Variants in ABCB5 observed in about 807,000 individuals in gnomAD.
ABCB5 encodes the protein ATP-binding cassette sub-family B member 5.
ABCB5 carries 155 observed loss-of-function variants against 144.2 expected under a neutral mutation model. That is an observed-to-expected ratio of 1.08 (90% CI 0.94 to 1.23). ABCB5 has a LOEUF of 1.23. Among genes scored for constraint, ABCB5 ranks in the 50% most tolerant of loss-of-function variants. ABCB5 has a pLI of 0.00. For synonymous variants in ABCB5, 610 were observed against 528.6 expected, an observed-to-expected ratio of 1.15 and a Z score of -2.11; for missense variants, 1,830 against 1,520.8, an observed-to-expected ratio of 1.20 and a Z score of -3.38.
chr7:20,691,319 T>C (rs1406960625), intron 16 of ABCB5, among the ~76,000 whole-genome samples: 2 of 150,684 alleles, frequency 1.3e-5, no homozygotes, highest in South Asian at 2.1e-4. Flanking sequence ...GAGCTAAGAG[T>C]TGAAGGAGGC....
chr7:20,754,474 G>A (rs964995855), intron 27 of ABCB5, among the ~76,000 whole-genome samples: 1 of 152,194 alleles, frequency 6.6e-6, no homozygotes, highest in African/African-American at 2.4e-5. Flanking sequence ...GTCATTTTAT[G>A]AGGTTATTGA....
chr7:20,708,221 G>A (rs940919668), intron 20 of ABCB5, among the ~76,000 whole-genome samples: 17 of 152,158 alleles, frequency 1.1e-4, no homozygotes, highest in African/African-American at 4.1e-4. Context: ...TAAGGTTGGC[G>A]TATAATTGCT....
At chr7:20,710,965 G>C (rs1188296026) in intron 20 of ABCB5, among the ~76,000 whole-genome samples, 2 of 149,652 alleles carry the variant, frequency 1.3e-5, no homozygotes, top group Admixed American at 1.3e-4. Context: ...TGTTATTCTA[G>C]TGGTTACTTT....
At chr7:20,665,724 A>AAGATAGATAGATAGATAGAT (rs35101575) in intron 14 of ABCB5, among the ~76,000 whole-genome samples, 55 of 134,588 alleles carry the variant, frequency 4.1e-4, no homozygotes, top group Admixed American at 1.1e-3. Context: ...TAGAGATGGA[A>AAGATAGATAGATAGATAGAT]AGATAGATAG....
At chr7:20,695,469 G>A (rs1786379567) in intron 16 of ABCB5, among the ~76,000 whole-genome samples, 1 of 151,338 alleles carries the variant, frequency 6.6e-6, no homozygotes, top group Non-Finnish European at 1.5e-5. Context: ...ACTTCTATAA[G>A]AAAATGCAAT....
At chr7:20,623,077 A>G (rs1025286681) in intron 1 of ABCB5, among the ~76,000 whole-genome samples, 188 bp from the exon 2 acceptor site, 4 of 152,170 alleles carry the variant, frequency 2.6e-5, no homozygotes, top group African/African-American at 9.7e-5. Context: ...TATAAATTCA[A>G]TGACAAAATT....
chr7:20,704,075 CTTTTTT>C lies in ABCB5; in HGVS notation c.2338-638_2338-633del, dbSNP rs71020669. ...CTAAATTGTGTTGTTTATTGCCTTC[CTTTTTT>C]TTTTTTTTTTGTGAGACAGGGTCTC... On this transcript the variant is annotated intron_variant, in intron 19 of 27. Coordinates refer to ENST00000404938, the MANE Select transcript of ABCB5 (RefSeq NM_001163941.2). Among the ~76,000 whole-genome samples, 3 of 80,772 alleles carry C rather than the reference CTTTTTT, an allele frequency of 3.7e-5. No homozygotes were observed. In the East Asian group the frequency reaches 1.4e-3, roughly 38 times the overall value. The allele number at this position is 80,772 out of a possible 152,430, so 53.0% of individuals were successfully genotyped here.
chr7:20,645,999 T>C lies in ABCB5; in HGVS notation c.842T>C (p.Ile281Thr), dbSNP rs755827534. Residue 281 changes from isoleucine (I) to threonine (T), a missense_variant, in exon 9 of 28, where the codon ATA becomes ACA. Physicochemically the swap from Ile to Thr is moderately conservative, Grantham distance 89. Coordinates refer to ENST00000404938, the MANE Select transcript of ABCB5 (RefSeq NM_001163941.2). Reference protein sequence around the residue: ...QNLKDAKDFGIKRTIASKVSL... With the variant: ...QNLKDAKDFGTKRTIASKVSL... ...CTCAAAGATGCAAAGGATTTTGGCATAAAAAGGACTATAGCTTCAAAAGTG... is the reference window on the plus strand; with the variant it reads ...CTCAAAGATGCAAAGGATTTTGGCACAAAAAGGACTATAGCTTCAAAAGTG... The C allele has an allele frequency of 6.2e-7, 1 of 1,613,670 alleles. No homozygotes were observed. The highest frequency in any genetic ancestry group is 8.5e-7 in the Non-Finnish European group (1 of 1,179,794).
chr7:20,711,778 CTCTTTCTTTCTTTCTTTCTT>C (rs1174731019), intron 20 of ABCB5, among the ~76,000 whole-genome samples: 2 of 47,110 alleles, frequency 4.2e-5, no homozygotes, highest in Non-Finnish European at 3.6e-5. Context: ...TTCCTTCTTT[CTCTTTCTTTCTTTCTTTCTT>C]TCTTTCTTTC....
intron 20 of ABCB5, 96 bp from the exon 21 acceptor site, chr7:20,722,920 T>A (rs6948504): frequency 0.71 from 729,912 of 1,033,442 alleles, 260,591 homozygotes; most frequent in East Asian, 0.9. Context: ...ATTCTTTTTT[T>A]AAAAAGTCTA....
chr7:20,749,003 C>G (rs557372445), intron 26 of ABCB5, among the ~76,000 whole-genome samples: 6 of 152,144 alleles, frequency 3.9e-5, no homozygotes, highest in Non-Finnish European at 7.4e-5. Flanking sequence ...CCATGTCCTG[C>G]TTCCTCAAAA....
At chr7:20,617,658 C>T (rs773938774) in intron 1 of ABCB5, among the ~76,000 whole-genome samples, 1 of 151,790 alleles carries the variant, frequency 6.6e-6, no homozygotes, top group Non-Finnish European at 1.5e-5. Flanking sequence ...AGAGTGAGAC[C>T]CAAAAATCGC....
intron 23 of ABCB5, among the ~76,000 whole-genome samples, chr7:20,736,754 G>C (rs1782390487): frequency 6.6e-6 from 1 of 152,148 alleles, no homozygotes; most frequent in African/African-American, 2.4e-5. Flanking sequence ...TTGTTGAGTG[G>C]AACTGAATTT....
chr7:20,732,558 G>C (rs1279898545), intron 23 of ABCB5, among the ~76,000 whole-genome samples: 1 of 152,078 alleles, frequency 6.6e-6, no homozygotes, highest in African/African-American at 2.4e-5. Flanking sequence ...GGGGAGATTT[G>C]GAATGGTACA....
chr7:20,704,771 A>T lies in ABCB5; in HGVS notation c.2385A>T (p.Thr795=). The T allele has an allele frequency of 6.2e-7, 1 of 1,613,876 alleles. No homozygotes were observed. The highest frequency in any genetic ancestry group is 8.5e-7 in the Non-Finnish European group (1 of 1,179,852). ...AGGAAAACAGCACAGGAGGCTTGAC[A>T]ACAATATTAGCCATAGATATAGCAC... The part of the protein sequence containing the change: ...DEKENSTGGL[T]TILAIDIAQI... The change falls in exon 20 of 28, where the codon ACA becomes ACT. Residue 795 remains threonine, a synonymous_variant. Transcript: ENST00000404938.
intron 12 of ABCB5, 103 bp downstream of exon 12, chr7:20,650,250 G>A: frequency 7.1e-7 from 1 of 1,414,172 alleles, no homozygotes; most frequent in Non-Finnish European, 9.5e-7. Context: ...GTAGAGCTGG[G>A]AGAGAAGCCA....
chr7:20,752,727 A>T (rs1045958189), intron 26 of ABCB5, among the ~76,000 whole-genome samples: 5 of 152,302 alleles, frequency 3.3e-5, no homozygotes, highest in African/African-American at 1.2e-4. Flanking sequence ...GGCACCTGTA[A>T]TCCCAGCTAC....
chr7:20,654,670 T>A (rs1174924784), intron 13 of ABCB5, among the ~76,000 whole-genome samples: 1 of 152,164 alleles, frequency 6.6e-6, no homozygotes, highest in Non-Finnish European at 1.5e-5. Context: ...CAGACCATAA[T>A]ATAAGTAAAC....
intron 23 of ABCB5, among the ~76,000 whole-genome samples, chr7:20,736,497 T>C (rs576535189): frequency 2.6e-5 from 4 of 152,318 alleles, no homozygotes; most frequent in Admixed American, 6.5e-5. Flanking sequence ...ATTACAGGCA[T>C]GAACCACTGC....
Sources: gnomAD v4.1 joint callset for allele counts (sites outside exome capture counted in the v4.1 genomes callset) on GRCh38, gnomAD v4.1.1 for gene constraint, MANE v1.5 for transcripts, NCBI Gene and HGNC (gene_info 2026-07-23, HGNC 2026-07-21) for gene names.